CNOT6L: variants seen among roughly 807,000 people sequenced by gnomAD.
CNOT6L encodes CCR4-NOT transcription complex subunit 6 like.
A neutral mutation model predicts 64.0 loss-of-function variants in CNOT6L; 7 were observed. The observed-to-expected ratio is 0.11, with a 90% CI of 0.06 to 0.21. The LOEUF is 0.21. Among genes scored for constraint, CNOT6L ranks in the 10% least tolerant of loss-of-function variants. The pLI, the probability that CNOT6L is intolerant of heterozygous loss-of-function variation, is 1.00. For synonymous variants in CNOT6L, 193 were observed against 243.4 expected (o/e 0.79, Z 1.93); for missense variants, 245 against 669.0 (o/e 0.37, Z 6.99).
rs965130395 is a variant in CNOT6L at position 77,802,299 on chromosome 4, G to A, written c.5+17005C>T. On this transcript the variant is annotated intron_variant, in intron 1 of 11. Coordinates refer to ENST00000504123, the MANE Select transcript of CNOT6L (RefSeq NM_144571.3). Reference sequence around the variant, plus strand: ...GTATTCCAACAATAAGAAGAGTAGAGTTACAACTATTTCTCCCAAATATTA... The same window carrying A: ...GTATTCCAACAATAAGAAGAGTAGAATTACAACTATTTCTCCCAAATATTA... 4.6e-5 allele frequency among the ~76,000 whole-genome samples: 7 copies of A among 152,268 alleles called. No homozygotes were observed. The East Asian group carries it at 1.4e-3, about 29-fold the overall frequency.
chr4:77,819,762 G>C (rs1287107284), upstream of CNOT6L: 2 of 151,816 alleles, frequency 1.3e-5, no homozygotes, highest in Non-Finnish European at 2.9e-5. Flanking sequence ...GAGGGGATGC[G>C]GGGCGGGCGG....
At chr4:77,734,221 C>T (rs1479965487) in intron 8 of CNOT6L, among the ~76,000 whole-genome samples, 1 of 151,992 alleles carries the variant, frequency 6.6e-6, no homozygotes. Context: ...TACTTCAAAA[C>T]AAAAACGTGG....
At chr4:77,770,390 G>A (rs1416336679) in intron 4 of CNOT6L, among the ~76,000 whole-genome samples, 1 of 152,048 alleles carries the variant, frequency 6.6e-6, no homozygotes, top group Non-Finnish European at 1.5e-5. Flanking sequence ...TAATAAAACT[G>A]ACTTTGAAAT....
chr4:77,816,635 G>A (rs1018763847), intron 1 of CNOT6L, among the ~76,000 whole-genome samples: 8 of 152,064 alleles, frequency 5.3e-5, no homozygotes, highest in African/African-American at 1.7e-4. Context: ...TATACTGAAT[G>A]TGTTGAAATT....
chr4:77,761,888 C>T (rs1275474698), intron 4 of CNOT6L, among the ~76,000 whole-genome samples: 2 of 152,052 alleles, frequency 1.3e-5, no homozygotes, highest in Non-Finnish European at 2.9e-5. Context: ...TTACAAACAT[C>T]ACAAGAGACA....
At chr4:77,778,766 C>T (rs568669547) in intron 1 of CNOT6L, among the ~76,000 whole-genome samples, 4 of 151,232 alleles carry the variant, frequency 2.6e-5, no homozygotes, top group African/African-American at 4.8e-5. Flanking sequence ...CAGGGCAGGC[C>T]GGGCACGGTG....
chr4:77,745,473 CTG>C (rs1170602793), intron 6 of CNOT6L, among the ~76,000 whole-genome samples: 2 of 152,082 alleles, frequency 1.3e-5, no homozygotes, highest in Non-Finnish European at 2.9e-5. Context: ...CTACTCAAAA[CTG>C]TGCTGTGAAG....
At chr4:77,720,684 G>C (rs374788028) in intron 11 of CNOT6L, 41 bp from the exon 12 acceptor site, 2 of 1,597,854 alleles carry the variant, frequency 1.3e-6, no homozygotes, top group African/African-American at 1.3e-5. Flanking sequence ...AAAAATTCAA[G>C]ATATATAAAG....
chr4:77,790,544 A>G (rs1730010306), intron 1 of CNOT6L, among the ~76,000 whole-genome samples: 1 of 152,114 alleles, frequency 6.6e-6, no homozygotes, highest in Admixed American at 6.5e-5. Context: ...ATGAATTCCC[A>G]TTGCTCCGCA....
chr4:77,808,551 C>G (rs574281900), intron 1 of CNOT6L, among the ~76,000 whole-genome samples: 1 of 150,988 alleles, frequency 6.6e-6, no homozygotes, highest in Non-Finnish European at 1.5e-5. Flanking sequence ...AAAACAGTAA[C>G]TATTATTATT....
rs1721152472 is a variant in CNOT6L at position 77,720,371 on chromosome 4, T to C, written c.*60A>G. 6.5e-7 allele frequency: 1 copy of C among 1,538,338 alleles called. No homozygotes were observed. Among genetic ancestry groups the C allele is most frequent in the African/African-American group, 1.4e-5 (1 of 73,168 alleles). ...GGCCATACTTCACTCCTACATACTT[T>C]GATTTACAACTGTACAGGTCCATAG... is the stretch of plus-strand genomic sequence containing the variant. On this transcript the variant is annotated 3_prime_UTR_variant, in exon 12 of 12. Coordinates refer to ENST00000504123, the MANE Select transcript of CNOT6L (RefSeq NM_144571.3).
intron 5 of CNOT6L, among the ~76,000 whole-genome samples, chr4:77,756,470 G>C (rs1351727441): frequency 6.6e-6 from 1 of 152,134 alleles, no homozygotes; most frequent in Non-Finnish European, 1.5e-5. Context: ...CAAGTCATTT[G>C]CATCAAATGC....
chr4:77,753,794 A>G (rs987387456), intron 5 of CNOT6L, among the ~76,000 whole-genome samples: 3 of 152,020 alleles, frequency 2.0e-5, no homozygotes, highest in Admixed American at 6.5e-5. Flanking sequence ...CAAAGGTGGT[A>G]TAACATACAA....
At chr4:77,738,918 T>C (rs892188869) in intron 8 of CNOT6L, among the ~76,000 whole-genome samples, 1 of 152,150 alleles carries the variant, frequency 6.6e-6, no homozygotes, top group African/African-American at 2.4e-5. Context: ...ATTTTATCAC[T>C]CAAAGTTCTA....
chr4:77,814,248 T>C (rs1733312272), intron 1 of CNOT6L, among the ~76,000 whole-genome samples: 1 of 152,204 alleles, frequency 6.6e-6, no homozygotes. Context: ...TCTTGAAAGA[T>C]ACAGGATTTA....
At chr4:77,779,233 T>C (rs1311778464) in intron 1 of CNOT6L, among the ~76,000 whole-genome samples, 1 of 151,960 alleles carries the variant, frequency 6.6e-6, no homozygotes. Context: ...GCACATAACA[T>C]GTATTTGTGG....
At chr4:77,734,796 T>C (rs1171248858) in intron 8 of CNOT6L, among the ~76,000 whole-genome samples, 1 of 152,190 alleles carries the variant, frequency 6.6e-6, no homozygotes, top group African/African-American at 2.4e-5. Context: ...TTGGATCTAA[T>C]TCTATTTTTC....
At chr4:77,732,749 G>A (rs1169737689) in intron 8 of CNOT6L, among the ~76,000 whole-genome samples, 1 of 152,020 alleles carries the variant, frequency 6.6e-6, no homozygotes, top group South Asian at 2.1e-4. Context: ...GAGCATCCCA[G>A]GTAGAAAATG....
chr4:77,779,913 G>A (rs1167539325), intron 1 of CNOT6L, among the ~76,000 whole-genome samples: 1 of 152,124 alleles, frequency 6.6e-6, no homozygotes, highest in Non-Finnish European at 1.5e-5. Flanking sequence ...GCAGTGAGAC[G>A]AGACTACCCC....
Sources: allele counts gnomAD v4.1 joint callset (sites outside exome capture counted in the v4.1 genomes callset), GRCh38; gene constraint gnomAD v4.1.1; transcripts MANE v1.5; gene names NCBI Gene and HGNC (gene_info 2026-07-23, HGNC 2026-07-21).